The following METTL17 variants were observed in gnomAD, a reference collection of about 807,000 sequenced individuals.
METTL17 encodes the protein ribosome assembly protein METTL17, mitochondrial.
A neutral mutation model predicts 59.4 loss-of-function variants in METTL17; 49 were observed. The observed-to-expected ratio is 0.82, with a 90% CI of 0.66 to 1.05. The LOEUF (loss-of-function observed/expected upper bound fraction) is 1.05. Ranked by LOEUF, METTL17 falls within the 50% of genes least tolerant of loss-of-function variation. The pLI is 0.00. For synonymous variants in METTL17, 208 were observed against 209.2 expected (o/e 0.99, Z 0.05); for missense variants, 555 against 578.4 (o/e 0.96, Z 0.41).
chr14:20,991,138 T>A (rs1366853934), intron 3 of METTL17, among the ~76,000 whole-genome samples: 1 of 152,158 alleles, frequency 6.6e-6, no homozygotes, highest in Non-Finnish European at 1.5e-5. Context: ...ACCAATATAC[T>A]GTTAAAATCT....
chr14:20,990,907 T>TG (rs1418813342), intron 3 of METTL17, among the ~76,000 whole-genome samples: 1 of 152,154 alleles, frequency 6.6e-6, no homozygotes, highest in Admixed American at 6.5e-5. Flanking sequence ...CTCGGCTCAC[T>TG]GCAACCTCCG....
In METTL17 at chr14:20,996,674, A is replaced by G. The variant is rs1320808712; in HGVS notation, c.1228A>G (p.Met410Val). ...HCHLCCPDGH[M>V]QHAVLTARRH... ...TCACTTGTGCTGTCCAGATGGGCACATGCAGCATGCTGTGCTCACAGCCCG... is the reference window on the plus strand; with the variant it reads ...TCACTTGTGCTGTCCAGATGGGCACGTGCAGCATGCTGTGCTCACAGCCCG... The change falls in exon 13 of 14, where the codon ATG becomes GTG. Residue 410 changes from methionine to valine, a missense_variant. Transcript: ENST00000339374. 1 of 1,614,246 alleles carries G rather than the reference A, an allele frequency of 6.2e-7. No individual in the cohort carries two copies. Among genetic ancestry groups the G allele is most frequent in the Non-Finnish European group, 8.5e-7 (1 of 1,180,024 alleles).
At chr14:20,994,484 C>G in intron 7 of METTL17, 59 bp from the exon 8 acceptor site, 1 of 1,378,592 alleles carries the variant, frequency 7.3e-7, no homozygotes, top group Non-Finnish European at 1.0e-6. Context: ...ATCTGGATAT[C>G]TCTTCAGTTT....
intron 6 of METTL17, chr14:20,993,481 T>C: frequency 2.6e-6 from 1 of 390,860 alleles, no homozygotes; most frequent in Admixed American, 4.3e-5. Flanking sequence ...TCTACCTTTT[T>C]TTTTTCTTTT....
intron 4 of METTL17, 150 bp from the exon 5 acceptor site, chr14:20,992,391 T>C (rs1213021934): frequency 1.3e-6 from 1 of 746,144 alleles, no homozygotes; most frequent in African/African-American, 1.8e-5. Context: ...AATTTAGTGT[T>C]TGTAAGTCTC....
rs1879976533 is a variant in METTL17 at position 20,990,569 on chromosome 14, A to G, written c.335A>G (p.His112Arg). Reference protein sequence around the residue: ...EPEELQRRARHLEKKFLENPD... With the variant: ...EPEELQRRARRLEKKFLENPD... ...GAGGAGTTGCAAAGACGGGCTAGGC[A>G]TCTTGAGAAAAAATTCCTGGAAAAC... Residue 112 changes from histidine (H) to arginine (R), a missense_variant, in exon 3 of 14, where the codon CAT (histidine) becomes CGT (arginine). His to Arg is a conservative substitution (Grantham distance 29). Transcript: ENST00000339374. 1.9e-6 allele frequency: 3 copies of G among 1,614,248 alleles called. No homozygotes were observed. The East Asian group carries it at 6.7e-5, about 36-fold the overall frequency.
At chr14:20,994,691 C>T in intron 8 of METTL17, 78 bp downstream of exon 8, 1 of 1,530,128 alleles carries the variant, frequency 6.5e-7, no homozygotes. Context: ...TGCAGCCCAG[C>T]ACTGAGTGTT....
At chr14:20,993,771 C>G in intron 6 of METTL17, 198 bp from the exon 7 acceptor site, 1 of 397,990 alleles carries the variant, frequency 2.5e-6, no homozygotes, top group Non-Finnish European at 4.5e-6. Flanking sequence ...CTGTGCCCAG[C>G]TGAGTCTACC....
intron 6 of METTL17, chr14:20,993,649 AT>A (rs1236449364): frequency 3.3e-5 from 7 of 214,362 alleles, no homozygotes; most frequent in Admixed American, 1.1e-4. Flanking sequence ...TAATTTTTGT[AT>A]TTTTAGTAGA....
In METTL17 at chr14:20,992,218, A is replaced by G. The variant is rs1379465578; in HGVS notation, c.446+13A>G. On this transcript the variant is annotated intron_variant, in intron 4 of 13. Coordinates refer to ENST00000339374, the MANE Select transcript of METTL17 (RefSeq NM_022734.3). ...GGCAAGAACTGAGGTAAGGGGGCCC[A>G]GAAGAGGTGCACAAGAAAGCAAAGG... 3.9e-6 allele frequency: 6 copies of G among 1,528,800 alleles called. No homozygotes were observed. In the African/African-American group the frequency reaches 5.5e-5, roughly 14 times the overall value. 94.7% of individuals were successfully genotyped at this position (1,528,800 alleles called of 1,614,324 possible). A position where few individuals can be genotyped will look rare whatever the true frequency, so the allele number is the denominator to read the frequency against.
At chr14:20,994,710 AAAGAAAT>A (rs1203761016) in intron 8 of METTL17, 77 bp from the exon 9 acceptor site, 1 of 1,533,476 alleles carries the variant, frequency 6.5e-7, no homozygotes, top group African/African-American at 1.4e-5. Flanking sequence ...TTAGAAGATA[AAAGAAAT>A]TTAGCGGCTA....
chr14:20,996,998 A>AT lies in METTL17; in HGVS notation c.*113dup. The stretch of plus-strand genomic sequence containing the variant: ...CCCCATATGTCTGTGTTTGTTTGAG[A>AT]TTTTTAATAATAAATAATAAATTTT... On this transcript the variant is annotated 3_prime_UTR_variant, in exon 14 of 14. Transcript: ENST00000339374. 1 of 1,115,250 alleles carries AT rather than the reference A, an allele frequency of 9.0e-7. No homozygotes were observed. Among genetic ancestry groups the AT allele is most frequent in the Non-Finnish European group, 1.2e-6 (1 of 827,196 alleles). The allele number at this position is 1,115,250 out of a possible 1,614,324, so 69.1% of individuals were successfully genotyped here.
rs978276402 is a variant in METTL17, at chr14:20,990,448, C to T, written c.230-16C>T. On this transcript the variant is annotated splice_polypyrimidine_tract_variant and intron_variant, in intron 2 of 13. Transcript: ENST00000339374. ...CCTACATGCAAGTGATTCCGCTTTT[C>T]GTCTTTGGCCCATAGGGAGCGCTGG... 9 of 1,613,792 alleles carry T rather than the reference C, an allele frequency of 5.6e-6. No homozygotes were observed. The highest frequency in any genetic ancestry group is 2.2e-5 in the East Asian group (1 of 44,872).
chr14:20,995,365 T>G (rs1279768614), intron 10 of METTL17, 132 bp downstream of exon 10: 2 of 776,662 alleles, frequency 2.6e-6, no homozygotes, highest in East Asian at 4.9e-5. Flanking sequence ...GTCATTATGA[T>G]ACAGAGCAGT....
intron 7 of METTL17, 112 bp downstream of exon 7, chr14:20,994,175 T>A: frequency 1.3e-6 from 1 of 781,684 alleles, no homozygotes; most frequent in Non-Finnish European, 2.1e-6. Flanking sequence ...TGAATCTGGT[T>A]TACTTTTAAA....
intron 5 of METTL17, 126 bp from the exon 6 acceptor site, chr14:20,992,992 A>G: frequency 1.3e-6 from 1 of 789,542 alleles, no homozygotes; most frequent in South Asian, 1.5e-5. Context: ...CCCATAAGGT[A>G]TTTGTATTGA....
chr14:20,990,152 C>G (rs748028503), intron 1 of METTL17, 75 bp downstream of exon 1: 1 of 1,597,560 alleles, frequency 6.3e-7, no homozygotes, highest in Non-Finnish European at 8.5e-7. Context: ...GAGGAGCGCT[C>G]CTGGCAGCCC....
chr14:20,994,601 T>C lies in METTL17; in HGVS notation c.756T>C (p.Pro252=), dbSNP rs1203885593. Reference sequence around the variant, plus strand: ...GTGTCTTTTTCAGACAGTTTCTACCTGTATCACCCAAGGCAAGTGGCAGTG... The same window carrying C: ...GTGTCTTTTTCAGACAGTTTCTACCCGTATCACCCAAGGCAAGTGGCAGTG... ...IPGVFFRQFL[P]VSPKVQFDVV... The change falls in exon 8 of 14, where the codon CCT becomes CCC. Residue 252 remains proline, a synonymous_variant. Transcript: ENST00000339374. 1.2e-6 allele frequency: 2 copies of C among 1,614,114 alleles called. No individual in the cohort carries two copies. The highest frequency in any genetic ancestry group is 2.2e-5 in the South Asian group (2 of 91,084).
chr14:20,996,384 A>T, intron 12 of METTL17, 92 bp downstream of exon 12: 1 of 1,510,030 alleles, frequency 6.6e-7, no homozygotes, highest in Non-Finnish European at 9.1e-7. Context: ...GATAATTTGT[A>T]GAATAGCCTG....
Sources: allele counts gnomAD v4.1 joint callset (sites outside exome capture counted in the v4.1 genomes callset), GRCh38; gene constraint gnomAD v4.1.1; transcripts MANE v1.5; gene names NCBI Gene and HGNC (gene_info 2026-07-23, HGNC 2026-07-21).